The following MADD variants were observed in gnomAD, a reference collection of about 807,000 sequenced individuals.
MADD encodes MAP kinase activating death domain.
A neutral mutation model predicts 176.7 loss-of-function variants in MADD; 109 were observed. The observed-to-expected ratio is 0.62, with a 90% CI of 0.53 to 0.72. MADD has a LOEUF of 0.72. Ranked by LOEUF, MADD falls within the 30% of genes least tolerant of loss-of-function variation. MADD has a pLI of 0.00. For missense variants in MADD, 1,914 were observed against 2,045.5 expected (o/e 0.94, Z 1.24); for synonymous variants, 771 against 771.3 (o/e 1.00, Z 0.01).
Position 47,289,713 on chromosome 11 carries a change from C to T in MADD, c.2757-154C>T, listed in dbSNP as rs113337378. 6.5e-3 allele frequency among the ~76,000 whole-genome samples: 994 copies of T among 152,226 alleles called. 14 individuals are homozygous for T. Among genetic ancestry groups the T allele is most frequent in the African/African-American group, 0.023 (950 of 41,542 alleles). On this transcript the variant is annotated intron_variant, in intron 16 of 32. Coordinates refer to ENST00000402192, the Ensembl canonical transcript of MADD. Reference sequence around the variant, plus strand: ...CAGCGGTGGGTATTTGGACAAATCGCGTGCTCCAGAGAGGTGGGGATGTGG... The same window carrying T: ...CAGCGGTGGGTATTTGGACAAATCGTGTGCTCCAGAGAGGTGGGGATGTGG...
In MADD at chr11:47,293,813, C is replaced by A. The variant is rs568560830; in HGVS notation, c.3302-70C>A. 9 of 979,732 alleles carry A rather than the reference C, an allele frequency of 9.2e-6. No homozygotes were observed. In the East Asian group the frequency reaches 2.2e-4, roughly 24 times the overall value. 60.7% of individuals were successfully genotyped at this position (979,732 alleles called of 1,614,324 possible). ...CGGGTCTGGGAACAGCCTGTGCTGC[C>A]GTCCCACCCCCTTTACCAGCCTGCC... On this transcript the variant is annotated intron_variant, in intron 19 of 32. Transcript: ENST00000402192.
intron 1 of MADD, among the ~76,000 whole-genome samples, 168 bp downstream of exon 1, chr11:47,270,414 G>A (rs937837515): frequency 2.0e-5 from 3 of 151,066 alleles, no homozygotes; most frequent in Non-Finnish European, 3.0e-5. Context: ...GGGCGGGGAC[G>A]GGGATGGGGG....
At chr11:47,328,813 C>T (rs2095756147) in intron 32 of MADD, 109 bp downstream of exon 36, 2 of 1,431,266 alleles carry the variant, frequency 1.4e-6, no homozygotes, top group African/African-American at 1.4e-5. Flanking sequence ...GAGTGGGGAC[C>T]TCGTTTTGTT....
intron 5 of MADD, among the ~76,000 whole-genome samples, chr11:47,277,506 G>A (rs1171633015): frequency 2.0e-5 from 3 of 152,036 alleles, no homozygotes; most frequent in African/African-American, 7.2e-5. Context: ...CATGTTGGCT[G>A]GGCTGGTCTT....
intron 15 of MADD, among the ~76,000 whole-genome samples, chr11:47,287,512 T>G (rs61896050): frequency 5.3e-5 from 8 of 151,796 alleles, no homozygotes; most frequent in Admixed American, 5.2e-4. Context: ...CAGGCTCAAG[T>G]GATTCACATG....
At chr11:47,326,603 C>T (rs2095480363) in intron 30 of MADD, 51 bp downstream of exon 34, 8 of 1,461,936 alleles carry the variant, frequency 5.5e-6, no homozygotes, top group Admixed American at 5.2e-5. Flanking sequence ...GAGTTGTGTG[C>T]GTGTGGATTC....
intron 19 of MADD, among the ~76,000 whole-genome samples, chr11:47,293,338 G>A (rs1330216711): frequency 6.7e-6 from 1 of 148,210 alleles, no homozygotes; most frequent in Non-Finnish European, 1.5e-5. Context: ...GTCTTGCTCT[G>A]CTGCTCAGGC....
Position 47,328,405 on chromosome 11 carries a change from G to A in MADD, c.4613-253G>A, listed in dbSNP as rs1205649386. On this transcript the variant is annotated intron_variant, in intron 31 of 32. Transcript: ENST00000402192. ...TTTCAAAGAAGTGGGTAGAATCACGGCCATCAAGTAAACGCCACTGCGGAT... is the reference window on the plus strand; with the variant it reads ...TTTCAAAGAAGTGGGTAGAATCACGACCATCAAGTAAACGCCACTGCGGAT... 2.8e-6 allele frequency: 4 copies of A among 1,409,710 alleles called. No individual in the cohort carries two copies. In the African/African-American group the frequency reaches 5.8e-5, roughly 20 times the overall value. 87.3% of individuals were successfully genotyped at this position (1,409,710 alleles called of 1,614,324 possible).
intron 31 of MADD, chr11:47,328,272 C>A: frequency 8.8e-7 from 1 of 1,138,190 alleles, no homozygotes; most frequent in East Asian, 5.9e-5. Context: ...CTAGAGAGAG[C>A]TCTCTCCTCC....
intron 19 of MADD, 48 bp from the exon 21 acceptor site, chr11:47,292,495 C>A: frequency 1.3e-6 from 2 of 1,572,128 alleles, no homozygotes; most frequent in South Asian, 1.1e-5. Context: ...GTCTGACCAG[C>A]CTCTGACTTT....
intron 5 of MADD, among the ~76,000 whole-genome samples, chr11:47,277,125 C>G (rs569127760): frequency 6.6e-6 from 1 of 152,320 alleles, no homozygotes; most frequent in East Asian, 1.9e-4. Context: ...ACAGTAGTTC[C>G]TCCTTATCTG....
At chr11:47,291,557 A>G (rs770787821) in intron 19 of MADD, among the ~76,000 whole-genome samples, 3 of 152,166 alleles carry the variant, frequency 2.0e-5, no homozygotes, top group Non-Finnish European at 2.9e-5. Context: ...AGCAGTTGCC[A>G]TATGCTCCCA....
rs2095264108 is a variant in MADD at position 47,325,027 on chromosome 11, T to TGCGTGCC, written c.4542+450_4542+451insGCGTGCC. On this transcript the variant is annotated intron_variant, in intron 30 of 32. Coordinates refer to ENST00000402192, the Ensembl canonical transcript of MADD. The surrounding 1 kb of genome is among the most constrained non-coding windows in gnomAD (Gnocchi z 4.5). Reference sequence around the variant, plus strand: ...TGTGCGTGCGTGCGTGCCTGCGTGCTTGTGTGTAAGTAGCTTGTATCTGTC... The same window carrying TGCGTGCC: ...TGTGCGTGCGTGCGTGCCTGCGTGCTGCGTGCCTGTGTGTAAGTAGCTTGTATCTGTC... The TGCGTGCC allele has an allele frequency of 5.7e-5, 28 of 487,856 alleles. No homozygotes were observed. The highest frequency in any genetic ancestry group is 5.5e-4 in the Middle Eastern group (1 of 1,832). 30.2% of individuals were successfully genotyped at this position (487,856 alleles called of 1,614,324 possible).
chr11:47,293,256 T>C (rs2066990411), intron 19 of MADD, among the ~76,000 whole-genome samples: 1 of 151,808 alleles, frequency 6.6e-6, no homozygotes, highest in African/African-American at 2.4e-5. Context: ...AAGCTCAGAC[T>C]CTTGAGTGCC....
At chr11:47,284,015 A>G (rs557286681) in intron 10 of MADD, among the ~76,000 whole-genome samples, 163 bp from the exon 11 acceptor site, 1 of 152,326 alleles carries the variant, frequency 6.6e-6, no homozygotes, top group East Asian at 1.9e-4. Context: ...CCCCCATATC[A>G]GTCTTTATGC....
intron 27 of MADD, among the ~76,000 whole-genome samples, chr11:47,317,038 C>T (rs969953313): frequency 1.8e-4 from 27 of 152,236 alleles, no homozygotes; most frequent in Admixed American, 1.8e-3. Flanking sequence ...GCCACCCCGC[C>T]TGGCCTATTT....
Position 47,309,407 on chromosome 11 carries a change from G to A in MADD, c.3872+6G>A. On this transcript the variant is annotated splice_donor_region_variant and intron_variant, in intron 24 of 32. Coordinates refer to ENST00000402192, the Ensembl canonical transcript of MADD. Reference sequence around the variant, plus strand: ...CCCCAGGAAATGATCGACAGGTATGGGGCTTAGGAAACCATTGGGAATCAG... The same window carrying A: ...CCCCAGGAAATGATCGACAGGTATGAGGCTTAGGAAACCATTGGGAATCAG... The A allele has an allele frequency of 6.2e-7, 1 of 1,614,122 alleles. No individual in the cohort carries two copies. The highest frequency in any genetic ancestry group is 8.5e-7 in the Non-Finnish European group (1 of 1,179,994).
chr11:47,315,131 A>G, intron 26 of MADD, 89 bp from the exon 30 acceptor site: 1 of 748,656 alleles, frequency 1.3e-6, no homozygotes, highest in South Asian at 1.5e-5. Flanking sequence ...GGAAGCCGAT[A>G]TGAATTTGAT....
In MADD at chr11:47,281,427, T is replaced by A. The variant is rs985888289; in HGVS notation, c.1291-148T>A. 4 of 531,280 alleles carry A rather than the reference T, an allele frequency of 7.5e-6. No homozygotes were observed. The Admixed American group carries it at 1.4e-4, about 19-fold the overall frequency. The allele number at this position is 531,280 out of a possible 1,614,324, so 32.9% of individuals were successfully genotyped here. A position where few individuals can be genotyped will look rare whatever the true frequency, so the allele number is the denominator to read the frequency against. ...AGGTCTGAAATGGGTTGGCCGTGATTTGCAAATTAGCACCGTTCTTTGTTG... is the reference window on the plus strand; with the variant it reads ...AGGTCTGAAATGGGTTGGCCGTGATATGCAAATTAGCACCGTTCTTTGTTG... On this transcript the variant is annotated intron_variant, in intron 7 of 32. Transcript: ENST00000402192.
Sources: gnomAD v4.1 joint callset for allele counts (sites outside exome capture counted in the v4.1 genomes callset) on GRCh38, gnomAD v4.1.1 for gene constraint, Gnocchi (gnomAD v3.1) non-coding constraint, MANE v1.5 for transcripts, NCBI Gene and HGNC (gene_info 2026-07-23, HGNC 2026-07-21) for gene names.